BTBD2: variants seen among roughly 807,000 people sequenced by gnomAD.
The protein encoded by BTBD2 is BTB domain containing 2, also known as BTB/POZ domain-containing protein 2.
In BTBD2, 15 loss-of-function variants were observed where a neutral mutation model predicts 44.0. That is an observed-to-expected ratio of 0.34 (90% confidence interval 0.23 to 0.53). The LOEUF (loss-of-function observed/expected upper bound fraction) is 0.53. Among genes scored for constraint, BTBD2 ranks in the 20% least tolerant of loss-of-function variants. The pLI, the probability that BTBD2 is intolerant of heterozygous loss-of-function variation, is 0.95. For missense variants in BTBD2, 657 were observed against 746.4 expected (o/e 0.88, Z 1.39); for synonymous variants, 443 against 335.9 (o/e 1.32, Z -3.49).
chr19:1,997,231 T>A, intron 2 of BTBD2, 113 bp downstream of exon 2: 1 of 1,494,948 alleles, frequency 6.7e-7, no homozygotes. Flanking sequence ...AGGAACGTTC[T>A]AGAAATCTCC....
intron 5 of BTBD2, among the ~76,000 whole-genome samples, chr19:1,988,784 G>C (rs2016131153): frequency 6.6e-6 from 1 of 151,646 alleles, no homozygotes. Flanking sequence ...TGTATTTTTA[G>C]TAGAGACGGG....
Position 1,993,044 on chromosome 19 carries a change from G to A in BTBD2, c.660C>T (p.Asp220=), listed in dbSNP as rs1248798668. 2.5e-6 allele frequency: 4 copies of A among 1,571,260 alleles called. No individual in the cohort carries two copies. The African/African-American group carries it at 4.1e-5, about 16-fold the overall frequency. ...VEFLKKNLRA[D]NAFMLLTQAR... ...CCTGCGTGAGCAGCATGAAGGCGTTGTCGGCTCGCAGGTTCTTCTTCAGGA... is the reference window on the plus strand; with the variant it reads ...CCTGCGTGAGCAGCATGAAGGCGTTATCGGCTCGCAGGTTCTTCTTCAGGA... The change falls in exon 3 of 9, where the codon GAC becomes GAT. Residue 220 remains aspartate (D), a synonymous_variant. Transcript: ENST00000255608.
chr19:2,004,557 G>GA (rs2145643802), intron 1 of BTBD2, among the ~76,000 whole-genome samples: 1 of 151,186 alleles, frequency 6.6e-6, no homozygotes, highest in South Asian at 2.1e-4. Context: ...TCGGCCTCCC[G>GA]AAGTGCTGGG....
intron 1 of BTBD2, among the ~76,000 whole-genome samples, chr19:1,999,931 C>T (rs2145637032): frequency 6.6e-6 from 1 of 150,504 alleles, no homozygotes; most frequent in Non-Finnish European, 1.5e-5. Context: ...CATTGCACTC[C>T]TGCTTGGGTG....
chr19:1,989,934 C>CTCGGG, intron 5 of BTBD2, 70 bp downstream of exon 5: 1 of 1,552,660 alleles, frequency 6.4e-7, no homozygotes, highest in African/African-American at 1.4e-5. Flanking sequence ...GGGCACTATC[C>CTCGGG]TCGGTACCCA....
chr19:2,005,949 A>C (rs1348104685), intron 1 of BTBD2, among the ~76,000 whole-genome samples: 2 of 151,956 alleles, frequency 1.3e-5, no homozygotes, highest in Non-Finnish European at 2.9e-5. Flanking sequence ...TCAGCCGAGC[A>C]TAGTGGTGCA....
At chr19:2,006,506 CAAAAAAAAAAAAAAA>C (rs927065698) in intron 1 of BTBD2, among the ~76,000 whole-genome samples, 6 of 111,384 alleles carry the variant, frequency 5.4e-5, no homozygotes, top group African/African-American at 2.0e-4. Context: ...GACTCCGTCT[CAAAAAAAAAAAAAAA>C]GAAAAGAAAA....
intron 1 of BTBD2, among the ~76,000 whole-genome samples, chr19:1,999,565 C>T (rs1453969256): frequency 6.6e-6 from 1 of 151,998 alleles, no homozygotes; most frequent in African/African-American, 2.4e-5. Context: ...ACTCAGGAGG[C>T]TGAGGCAGGA....
rs1364380620 is a variant in BTBD2, at chr19:1,987,607, C to T, written c.1074G>A (p.Glu358=). The change falls in exon 6 of 9, where the codon GAG becomes GAA. Residue 358 remains glutamate (E), a synonymous_variant. Coordinates refer to ENST00000255608, the MANE Select transcript of BTBD2 (RefSeq NM_017797.4). ...GGCAGCAGCGGGGCCGGTCAATGAA[C>T]TCCACTCGTGGCTTGGGGTTGACGG... is the stretch of plus-strand genomic sequence containing the variant. ...HFTVNPKPRV[E]FIDRPRCCLR... is the part of the protein sequence containing the mutation. 2 of 1,612,748 alleles carry T rather than the reference C, an allele frequency of 1.2e-6. No individual in the cohort carries two copies. Among genetic ancestry groups the T allele is most frequent in the South Asian group, 2.2e-5 (2 of 90,998 alleles).
At chr19:1,990,976 C>G in intron 3 of BTBD2, 154 bp from the exon 4 acceptor site, 1 of 660,926 alleles carries the variant, frequency 1.5e-6, no homozygotes, top group Non-Finnish European at 2.6e-6. Flanking sequence ...CCAGGCCGGC[C>G]CTGTTGTGGG....
intron 1 of BTBD2, among the ~76,000 whole-genome samples, chr19:2,004,169 T>G (rs553506871): frequency 6.9e-6 from 1 of 144,722 alleles, no homozygotes; most frequent in African/African-American, 2.7e-5. Flanking sequence ...TATTGATTGA[T>G]GTCTCATGTC....
chr19:2,011,895 C>T (rs1289050601), intron 1 of BTBD2, among the ~76,000 whole-genome samples: 4 of 152,198 alleles, frequency 2.6e-5, no homozygotes, highest in Middle Eastern at 3.4e-3. Context: ...TGCTCTGTCG[C>T]CCAGGCTGGA....
intron 5 of BTBD2, 153 bp downstream of exon 5, chr19:1,989,851 G>A (rs1599348116): frequency 7.2e-6 from 6 of 834,842 alleles, no homozygotes; most frequent in South Asian, 3.4e-5. Context: ...CCCTGTGGAC[G>A]CGTCCTCACA....
At chr19:2,011,983 T>A (rs1449099146) in intron 1 of BTBD2, among the ~76,000 whole-genome samples, 1 of 151,960 alleles carries the variant, frequency 6.6e-6, no homozygotes, top group Non-Finnish European at 1.5e-5. Context: ...GCCTCCCAAG[T>A]AGCTGGGACT....
At chr19:2,002,696 AC>A (rs1203496407) in intron 1 of BTBD2, 2 of 151,798 alleles carry the variant, frequency 1.3e-5, no homozygotes, top group Non-Finnish European at 2.9e-5. Flanking sequence ...ACACGGTGAA[AC>A]CCCGTCTCTA....
chr19:2,015,232 G>C, intron 1 of BTBD2, 65 bp downstream of exon 1: 1 of 1,473,796 alleles, frequency 6.8e-7, no homozygotes, highest in Non-Finnish European at 9.0e-7. Flanking sequence ...CAGGGCCTCA[G>C]GTGCAGGGCC....
At position 1,986,836 on chromosome 19, in the gene BTBD2, C is replaced by A; in HGVS notation, c.1410G>T (p.Thr470=). ...CCTGTCCCCGGCGGCGCACCTTGAG[C>A]GTGGCACAGGCCGTGTAGTTGACGT... ...LPNVNYTACA[T]LKGPDSHYGT... Residue 470 remains threonine, a synonymous_variant, in exon 8 of 9, where the codon ACG becomes ACT. Coordinates refer to ENST00000255608, the MANE Select transcript of BTBD2 (RefSeq NM_017797.4). 1 of 1,606,210 alleles carries A rather than the reference C, an allele frequency of 6.2e-7. No homozygotes were observed.
chr19:1,995,679 C>T (rs1446474798), intron 2 of BTBD2, among the ~76,000 whole-genome samples: 1 of 150,828 alleles, frequency 6.6e-6, no homozygotes, highest in Non-Finnish European at 1.5e-5. Context: ...CTCTGTCGCC[C>T]AGGCTGGAGT....
chr19:2,005,232 T>C (rs2016380642), intron 1 of BTBD2, among the ~76,000 whole-genome samples: 1 of 152,222 alleles, frequency 6.6e-6, no homozygotes, highest in African/African-American at 2.4e-5. Flanking sequence ...ATCATGCTGC[T>C]CTGGGCATTC....
Sources: gnomAD v4.1 joint callset for allele counts (sites outside exome capture counted in the v4.1 genomes callset) on GRCh38, gnomAD v4.1.1 for gene constraint, MANE v1.5 for transcripts, NCBI Gene and HGNC (gene_info 2026-07-23, HGNC 2026-07-21) for gene names.